KLHL29: variants seen among roughly 807,000 people sequenced by gnomAD.
KLHL29 encodes kelch-like protein 29.
KLHL29 carries 21 observed loss-of-function variants against 80.4 expected under a neutral mutation model. That is an observed-to-expected ratio of 0.26 (90% CI 0.19 to 0.38). KLHL29 has a LOEUF of 0.38. Ranked by LOEUF, KLHL29 falls within the 10% of genes least tolerant of loss-of-function variation. The pLI is 1.00. For missense variants in KLHL29, 867 were observed against 1,223.9 expected (o/e 0.71, Z 4.35); for synonymous variants, 511 against 526.8 (o/e 0.97, Z 0.41).
Position 23,526,594 on chromosome 2 carries a change from TC to T in KLHL29, c.-45-35557del, listed in dbSNP as rs1235063380. ...AGTGGGCTGGTGGCCTGCTCTGCCC[TC>T]TGCCTACCAGAGTGACCTGGCCTCC... On this transcript the variant is annotated intron_variant, in intron 2 of 13. Transcript: ENST00000486442. 3.3e-5 allele frequency among the ~76,000 whole-genome samples: 5 copies of T among 152,166 alleles called. No homozygotes were observed. In the East Asian group the frequency reaches 9.6e-4, roughly 29 times the overall value.
intron 1 of KLHL29, among the ~76,000 whole-genome samples, chr2:23,433,017 C>G (rs961860581): frequency 7.2e-5 from 11 of 152,152 alleles, no homozygotes; most frequent in Admixed American, 1.3e-4. Context: ...CCAGGAGGGT[C>G]CTGGTGCTGA....
At chr2:23,415,857 C>T (rs1334161052) in intron 1 of KLHL29, among the ~76,000 whole-genome samples, 1 of 152,022 alleles carries the variant, frequency 6.6e-6, no homozygotes, top group Non-Finnish European at 1.5e-5. Context: ...CACCACCACA[C>T]CCTGTATATA....
At chr2:23,593,495 T>C (rs1249028445) in intron 3 of KLHL29, among the ~76,000 whole-genome samples, 1 of 151,676 alleles carries the variant, frequency 6.6e-6, no homozygotes, top group Non-Finnish European at 1.5e-5. Flanking sequence ...AGTGCATCTG[T>C]TTGGTGCTGG....
At chr2:23,520,696 G>A (rs1459258042) in intron 2 of KLHL29, among the ~76,000 whole-genome samples, 2 of 152,170 alleles carry the variant, frequency 1.3e-5, no homozygotes, top group Non-Finnish European at 2.9e-5. Flanking sequence ...AAGAAACTTT[G>A]GTTTCACAGT....
At chr2:23,702,196 T>C (rs542466667) in intron 11 of KLHL29, among the ~76,000 whole-genome samples, 2 of 152,124 alleles carry the variant, frequency 1.3e-5, no homozygotes, top group African/African-American at 4.8e-5. Flanking sequence ...GATGATGGGG[T>C]TATGTCCTGA....
intron 2 of KLHL29, among the ~76,000 whole-genome samples, chr2:23,525,526 G>A (rs540259365): frequency 2.2e-4 from 34 of 152,314 alleles, no homozygotes; most frequent in African/African-American, 3.4e-4. Context: ...TCTCTCCTGC[G>A]TGACCAGCAG....
At chr2:23,490,088 G>A (rs1300901957) in intron 2 of KLHL29, among the ~76,000 whole-genome samples, 4 of 152,246 alleles carry the variant, frequency 2.6e-5, no homozygotes. Flanking sequence ...GCCTCCGTGG[G>A]CGAGGATGCG....
chr2:23,403,722 A>AGTGTGTGT (rs202189865), intron 1 of KLHL29, among the ~76,000 whole-genome samples: 27 of 141,120 alleles, frequency 1.9e-4, no homozygotes, highest in African/African-American at 6.7e-4. Flanking sequence ...AGAGAGAGAG[A>AGTGTGTGT]GAGAGTGTGT....
intron 5 of KLHL29, among the ~76,000 whole-genome samples, chr2:23,663,423 CGGCTCCGCCGTCACGT>C (rs1302121195): frequency 6.6e-6 from 1 of 152,246 alleles, no homozygotes; most frequent in African/African-American, 2.4e-5. Context: ...GGCCGCCCCG[CGGCTCCGCCGTCACGT>C]GTGCCGGGGA....
intron 7 of KLHL29, 125 bp from the exon 8 acceptor site, chr2:23,693,144 T>C (rs766042654): frequency 4.4e-6 from 5 of 1,124,796 alleles, no homozygotes; most frequent in Non-Finnish European, 6.0e-6. Context: ...GCAGGGACTC[T>C]GGACACTGCA....
At chr2:23,501,727 AT>A (rs1665443086) in intron 2 of KLHL29, among the ~76,000 whole-genome samples, 1 of 152,120 alleles carries the variant, frequency 6.6e-6, no homozygotes. Context: ...TCCCCTCTAA[AT>A]ATTGTTTTTA....
intron 1 of KLHL29, among the ~76,000 whole-genome samples, chr2:23,438,386 G>A (rs867598652): frequency 5.7e-5 from 8 of 140,772 alleles, no homozygotes; most frequent in Admixed American, 3.5e-4. Flanking sequence ...CCTGTCTTGT[G>A]CCAGTTTTCA....
At chr2:23,504,373 T>G (rs1253789402) in intron 2 of KLHL29, among the ~76,000 whole-genome samples, 1 of 152,222 alleles carries the variant, frequency 6.6e-6, no homozygotes, top group African/African-American at 2.4e-5. Context: ...TGGGGGCCAC[T>G]TCTAGGCACT....
At chr2:23,683,505 C>T (rs1229732165) in intron 5 of KLHL29, among the ~76,000 whole-genome samples, 4 of 152,204 alleles carry the variant, frequency 2.6e-5, no homozygotes, top group African/African-American at 7.2e-5. Context: ...AGGCTCTTCC[C>T]TCCTTCTCCT....
chr2:23,484,301 C>T (rs959326984), intron 2 of KLHL29, among the ~76,000 whole-genome samples: 2 of 152,190 alleles, frequency 1.3e-5, no homozygotes, highest in South Asian at 2.1e-4. Flanking sequence ...ACACAGAGCC[C>T]GAGCTCACCT....
At chr2:23,605,428 G>A (rs557991391) in intron 3 of KLHL29, among the ~76,000 whole-genome samples, 2 of 152,092 alleles carry the variant, frequency 1.3e-5, no homozygotes, top group Admixed American at 6.5e-5. Flanking sequence ...ACTTCCACGC[G>A]GCTCTTGTAT....
intron 2 of KLHL29, among the ~76,000 whole-genome samples, chr2:23,559,071 A>G (rs1211891822): frequency 6.6e-6 from 1 of 152,158 alleles, no homozygotes; most frequent in Non-Finnish European, 1.5e-5. Flanking sequence ...TCAGGGTTCT[A>G]GAAGAATTGG....
Position 23,454,557 on chromosome 2 carries a change from C to T in KLHL29, c.-153-21003C>T, listed in dbSNP as rs184449616. 2.6e-5 allele frequency among the ~76,000 whole-genome samples: 4 copies of T among 151,872 alleles called. No individual in the cohort carries two copies. In the East Asian group the frequency reaches 7.7e-4, roughly 29 times the overall value. On this transcript the variant is annotated intron_variant, in intron 1 of 13. Coordinates refer to ENST00000486442, the MANE Select transcript of KLHL29 (RefSeq NM_052920.2). ...TTTGATATACATTCTTTACAAAATC[C>T]CGGTTTTATTTTTACAAGATGAAGA...
intron 2 of KLHL29, among the ~76,000 whole-genome samples, chr2:23,493,544 C>T (rs1211170392): frequency 6.6e-6 from 1 of 152,162 alleles, no homozygotes; most frequent in African/African-American, 2.4e-5. Flanking sequence ...CTTCTAAAAA[C>T]AGGTTTTGCA....
Sources: gnomAD v4.1 joint callset for allele counts (sites outside exome capture counted in the v4.1 genomes callset) on GRCh38, gnomAD v4.1.1 for gene constraint, MANE v1.5 for transcripts, NCBI Gene and HGNC (gene_info 2026-07-23, HGNC 2026-07-21) for gene names.